DAZL: variants seen among roughly 807,000 people sequenced by gnomAD.
DAZL encodes deleted in azoospermia like, also known as deleted in azoospermia-like.
Under a neutral mutation model 45.0 loss-of-function variants are expected in DAZL, and 4 were observed. The ratio of observed to expected loss-of-function variants is 0.09; its 90% confidence interval spans 0.04 to 0.20. DAZL has a LOEUF of 0.20. DAZL is among the 10% of genes least tolerant of loss of function. The pLI is 1.00. For synonymous variants in DAZL, 122 were observed against 112.4 expected (o/e 1.09, Z -0.54); for missense variants, 326 against 351.3 (o/e 0.93, Z 0.58).
intron 1 of DAZL, chr3:16,604,892 A>T (rs934257737): frequency 2.0e-5 from 14 of 712,202 alleles, no homozygotes; most frequent in Admixed American, 3.0e-5. Context: ...CTGCCAGTAG[A>T]GAACCCGAAC....
At position 16,604,721 on chromosome 3, in the gene DAZL, C is replaced by T. The variant is rs528296399; in HGVS notation, c.3+482G>A. Reference sequence around the variant, plus strand: ...GAAGGCAAGTCCCTCAGCAGGCCCGCCGCCATCTTGCGGAGCCACGGGGAG... The same window carrying T: ...GAAGGCAAGTCCCTCAGCAGGCCCGTCGCCATCTTGCGGAGCCACGGGGAG... On this transcript the variant is annotated intron_variant, in intron 1 of 10. Coordinates refer to ENST00000399444, the MANE Select transcript of DAZL (RefSeq NM_001351.4). 165 of 1,359,922 alleles carry T rather than the reference C, an allele frequency of 1.2e-4. No individual in the cohort carries two copies. The African/African-American group carries it at 2.3e-3, about 19-fold the overall frequency. 84.2% of individuals were successfully genotyped at this position (1,359,922 alleles called of 1,614,324 possible).
intron 9 of DAZL, among the ~76,000 whole-genome samples, chr3:16,592,767 A>ACTGTGGCCGGGCGCGGTGGCTCACGC (rs1694540551): frequency 6.6e-6 from 1 of 152,180 alleles, no homozygotes; most frequent in Non-Finnish European, 1.5e-5. Flanking sequence ...TGAAAATTAC[A>ACTGTGGCCGGGCGCGGTGGCTCACGC]CTGTAAGCTA....
At chr3:16,604,331 A>T (rs1694739937) in intron 1 of DAZL, 2 of 1,010,272 alleles carry the variant, frequency 2.0e-6, no homozygotes, top group East Asian at 5.4e-5. Flanking sequence ...ACCCAACGCT[A>T]TCTACCAAAT....
chr3:16,604,488 C>T (rs758205492), intron 1 of DAZL: 3 of 1,523,524 alleles, frequency 2.0e-6, no homozygotes. Flanking sequence ...CGCCGCCACA[C>T]GAGGGAGCCG....
At chr3:16,603,789 T>C (rs753943477) in intron 1 of DAZL, among the ~76,000 whole-genome samples, 4 of 152,168 alleles carry the variant, frequency 2.6e-5, no homozygotes, top group Non-Finnish European at 4.4e-5. Flanking sequence ...AGTTGTAAAA[T>C]AGTATTATGC....
chr3:16,602,616 T>C (rs1190148855), intron 1 of DAZL, among the ~76,000 whole-genome samples: 2 of 152,096 alleles, frequency 1.3e-5, no homozygotes, highest in Admixed American at 6.6e-5. Context: ...TCAACACAAA[T>C]GCAAAATTCC....
intron 1 of DAZL, among the ~76,000 whole-genome samples, chr3:16,603,389 C>T (rs561461582): frequency 1.3e-5 from 2 of 151,804 alleles, no homozygotes; most frequent in East Asian, 3.9e-4. Context: ...CTCTTTGTTG[C>T]CTAGGCTGGA....
chr3:16,596,838 G>A lies in DAZL; in HGVS notation c.410C>T (p.Pro137Leu), dbSNP rs1575417841. The stretch of plus-strand genomic sequence containing the variant: ...ATTAGTCCAGACATTCTGAAACTGT[G>A]GTGGAGGAGGATGATTAAAAACCAA... ...RPLVFNHPPP[P>L]QFQNVWTNPN... The change falls in exon 6 of 11, where the codon CCA becomes CTA. Residue 137 changes from proline (P) to leucine (L), a missense_variant. By Grantham distance (98) the Pro-to-Leu change is moderately conservative. Around this residue, in one of 3 missense-constraint regions of DAZL, gnomAD observed 227 missense variants for 216.6 expected, o/e 1.05. Coordinates refer to ENST00000399444, the MANE Select transcript of DAZL (RefSeq NM_001351.4). 2 of 1,613,844 alleles carry A rather than the reference G, an allele frequency of 1.2e-6. No individual in the cohort carries two copies.
intron 1 of DAZL, among the ~76,000 whole-genome samples, chr3:16,600,274 T>C (rs900001689): frequency 6.6e-6 from 1 of 152,180 alleles, no homozygotes; most frequent in Non-Finnish European, 1.5e-5. Context: ...AATAAGAAAG[T>C]AGAGTTCCTG....
chr3:16,604,807 C>T (rs1694750652), intron 1 of DAZL: 7 of 1,165,008 alleles, frequency 6.0e-6, no homozygotes, highest in Non-Finnish European at 6.8e-6. Context: ...GGGGCGGAGG[C>T]GCGTGAGTGG....
At chr3:16,595,550 C>A (rs1471235650) in intron 6 of DAZL, among the ~76,000 whole-genome samples, 165 bp from the exon 7 acceptor site, 1 of 151,838 alleles carries the variant, frequency 6.6e-6, no homozygotes, top group East Asian at 1.9e-4. Context: ...AAGAAATATT[C>A]TCTGTCAAGT....
In DAZL at chr3:16,605,314, T is replaced by A; in HGVS notation, c.-109A>T. 7.3e-7 allele frequency: 1 copy of A among 1,375,356 alleles called. No homozygotes were observed. The highest frequency in any genetic ancestry group is 1.0e-6 in the Non-Finnish European group (1 of 962,768). 85.2% of individuals were successfully genotyped at this position (1,375,356 alleles called of 1,614,324 possible). A position where few individuals can be genotyped will look rare whatever the true frequency, so the allele number is the denominator to read the frequency against. ...GTCCGCTGGAACCCGCTGCGCGGCT[T>A]CGAGTGGTCAAAGGAGCCAAAGATG... On this transcript the variant is annotated 5_prime_UTR_variant, in exon 1 of 11. Coordinates refer to ENST00000399444, the MANE Select transcript of DAZL (RefSeq NM_001351.4).
rs954003486 is a variant in DAZL, at chr3:16,598,283, C to G, written c.151-105G>C. 4.3e-6 allele frequency: 6 copies of G among 1,404,142 alleles called. No individual in the cohort carries two copies. The African/African-American group carries it at 7.1e-5, about 17-fold the overall frequency. The allele number at this position is 1,404,142 out of a possible 1,614,324, so 87.0% of individuals were successfully genotyped here. A position where few individuals can be genotyped will look rare whatever the true frequency, so the allele number is the denominator to read the frequency against. Reference sequence around the variant, plus strand: ...GTGACAATTTCTCCCCCATTTATCCCCAAATGACCAGTAGCTCTTTGTCAA... The same window carrying G: ...GTGACAATTTCTCCCCCATTTATCCGCAAATGACCAGTAGCTCTTTGTCAA... On this transcript the variant is annotated intron_variant, in intron 2 of 10. Transcript: ENST00000399444.
chr3:16,598,645 C>G, intron 1 of DAZL, 47 bp from the exon 2 acceptor site: 1 of 1,552,690 alleles, frequency 6.4e-7, no homozygotes, highest in Non-Finnish European at 8.7e-7. Flanking sequence ...CAGGAAAAAC[C>G]TATACATAAT....
intron 1 of DAZL, among the ~76,000 whole-genome samples, chr3:16,602,190 G>T (rs892242342): frequency 6.6e-6 from 1 of 152,030 alleles, no homozygotes; most frequent in Non-Finnish European, 1.5e-5. Flanking sequence ...AGGCAAGAAA[G>T]CAAAAGGATA....
At chr3:16,604,520 C>G (rs768683771) in intron 1 of DAZL, 2 of 1,506,554 alleles carry the variant, frequency 1.3e-6, no homozygotes, top group African/African-American at 2.8e-5. Flanking sequence ...TCCCCCGCAG[C>G]TGACAGGCGC....
In DAZL at chr3:16,597,029, T is replaced by C; in HGVS notation, c.317A>G (p.Lys106Arg). The C allele has an allele frequency of 1.9e-6, 3 of 1,611,888 alleles. No homozygotes were observed. The highest frequency in any genetic ancestry group is 2.5e-6 in the Non-Finnish European group (3 of 1,179,588). ...GATTGCAGGGCCCAGCTTCAGCTTT[T>C]TACCATGGAAATTTATCTGTGACTG... ...IVESQINFHG[K>R]KLKLGPAIRK... The change falls in exon 5 of 11, where the codon AAA becomes AGA. Residue 106 changes from lysine (K) to arginine (R), a missense_variant. Coordinates refer to ENST00000399444, the MANE Select transcript of DAZL (RefSeq NM_001351.4).
intron 1 of DAZL, among the ~76,000 whole-genome samples, chr3:16,604,954 G>A (rs1317425075): frequency 6.6e-6 from 1 of 152,216 alleles, no homozygotes; most frequent in Non-Finnish European, 1.5e-5. Context: ...GGCCGGCGAG[G>A]CAGCGCGTCC....
chr3:16,604,756 G>A (rs1475785667), intron 1 of DAZL: 13 of 1,361,664 alleles, frequency 9.5e-6, no homozygotes, highest in Middle Eastern at 5.4e-4. Flanking sequence ...GAGCGCGCCA[G>A]AAATGAGGCT....
Sources: gnomAD v4.1 joint callset for allele counts (sites outside exome capture counted in the v4.1 genomes callset) on GRCh38, gnomAD v4.1.1 for gene constraint, gnomAD v4.1.1 regional missense constraint, MANE v1.5 for transcripts, NCBI Gene and HGNC (gene_info 2026-07-23, HGNC 2026-07-21) for gene names.